The following PFKFB1 variants were observed in gnomAD, a reference collection of about 807,000 sequenced individuals.
PFKFB1 encodes 6-phosphofructo-2-kinase/fructose-2,6-biphosphatase 1, also known as 6-phosphofructo-2-kinase/fructose-2,6-bisphosphatase 1.
Under a neutral mutation model 46.4 loss-of-function variants are expected in PFKFB1, and 34 were observed. The ratio of observed to expected loss-of-function variants is 0.73; its 90% CI spans 0.56 to 0.98. PFKFB1 has a LOEUF of 0.98. PFKFB1 is among the 50% of genes least tolerant of loss of function. The pLI is 0.00. For synonymous variants in PFKFB1, 119 were observed against 133.8 expected, an observed-to-expected ratio of 0.89 and a Z score of 0.76; for missense variants, 393 against 376.3, an observed-to-expected ratio of 1.04 and a Z score of -0.37.
chrX:54,981,829 A>G (rs1019019386), intron 1 of PFKFB1, among the ~76,000 whole-genome samples: 6 of 111,542 alleles, frequency 5.4e-5, no homozygotes, highest in Admixed American at 2.9e-4. Flanking sequence ...CTGAAAATCA[A>G]TGACTTTTCT....
intron 1 of PFKFB1, among the ~76,000 whole-genome samples, chrX:54,984,033 T>A (rs1192243830): frequency 9.0e-6 from 1 of 111,479 alleles, no homozygotes; most frequent in Non-Finnish European, 1.9e-5. Flanking sequence ...CTTGTAAATT[T>A]GTTTAAGTTC....
At chrX:54,946,011 G>C (rs943237482) in intron 9 of PFKFB1, among the ~76,000 whole-genome samples, 23 of 110,447 alleles carry the variant, frequency 2.1e-4, no homozygotes, top group African/African-American at 7.3e-4. Context: ...TTGTGTGCTT[G>C]CGTGTGTGTG....
At chrX:54,986,932 A>C (rs1935127879) in intron 1 of PFKFB1, among the ~76,000 whole-genome samples, 1 of 111,201 alleles carries the variant, frequency 9.0e-6, no homozygotes, top group African/African-American at 3.3e-5. Flanking sequence ...AGAAGGATAT[A>C]ATAAGGATTA....
intron 9 of PFKFB1, among the ~76,000 whole-genome samples, chrX:54,947,787 A>G (rs746940420): frequency 9.0e-6 from 1 of 111,474 alleles, no homozygotes; most frequent in South Asian, 3.8e-4. Flanking sequence ...GAGAGGAAAC[A>G]GCTCCTTTCT....
chrX:54,951,340 G>A (rs2146616799), intron 8 of PFKFB1, among the ~76,000 whole-genome samples: 1 of 112,367 alleles, frequency 8.9e-6, no homozygotes, highest in Admixed American at 9.4e-5. Context: ...GAGAGGATGG[G>A]GAGGGCTTCC....
chrX:54,973,177 G>A (rs750021852), intron 1 of PFKFB1, among the ~76,000 whole-genome samples: 2 of 111,197 alleles, frequency 1.8e-5, no homozygotes, highest in African/African-American at 3.3e-5. Context: ...CTGTGGGATC[G>A]GTGGTGATAT....
At chrX:54,949,289 T>A (rs964609761) in intron 8 of PFKFB1, 68 bp from the exon 9 acceptor site, 4 of 948,330 alleles carry the variant, frequency 4.2e-6, no homozygotes, top group African/African-American at 3.8e-5. Flanking sequence ...AGGGTGGCCA[T>A]CAGAACAAGC....
upstream of PFKFB1, among the ~76,000 whole-genome samples, chrX:54,995,355 G>A (rs141299872): frequency 2.4e-3 from 274 of 111,994 alleles, no homozygotes; most frequent in Middle Eastern, 9.3e-3. Flanking sequence ...GCCCTCAAAT[G>A]CTCTCAGTTC....
intron 6 of PFKFB1, among the ~76,000 whole-genome samples, 165 bp downstream of exon 6, chrX:54,958,141 A>G (rs1934210362): frequency 1.8e-5 from 2 of 111,791 alleles, no homozygotes; most frequent in Non-Finnish European, 1.9e-5. Context: ...GAGTCATTGT[A>G]AGCCAGGATG....
intron 10 of PFKFB1, among the ~76,000 whole-genome samples, chrX:54,944,068 G>C (rs1402591797): frequency 1.8e-5 from 2 of 111,374 alleles, no homozygotes; most frequent in Non-Finnish European, 3.8e-5. Context: ...ATTGATTTTA[G>C]ATTTTGTTAA....
chrX:54,941,392 G>A (rs895557068), intron 10 of PFKFB1, among the ~76,000 whole-genome samples: 1 of 111,740 alleles, frequency 8.9e-6, no homozygotes, highest in African/African-American at 3.3e-5. Context: ...CAGACAAATG[G>A]GATCTAATTA....
At chrX:54,990,006 G>C (rs5960384) in intron 1 of PFKFB1, among the ~76,000 whole-genome samples, 76 of 111,351 alleles carry the variant, frequency 6.8e-4, no homozygotes, top group African/African-American at 2.4e-3. Flanking sequence ...ATACGATTGT[G>C]AATCTGTGGA....
At chrX:54,937,855 C>A in intron 10 of PFKFB1, 131 bp from the exon 11 acceptor site, 1 of 507,734 alleles carries the variant, frequency 2.0e-6, no homozygotes, top group Non-Finnish European at 3.2e-6. Flanking sequence ...ACCAGTATGA[C>A]CTTAGGCAAC....
intron 9 of PFKFB1, among the ~76,000 whole-genome samples, chrX:54,948,300 C>T (rs1438872621): frequency 8.9e-6 from 1 of 111,981 alleles, no homozygotes; most frequent in African/African-American, 3.2e-5. Flanking sequence ...AACATGCCCC[C>T]ACCTCTTGCC....
intron 1 of PFKFB1, among the ~76,000 whole-genome samples, chrX:54,976,166 A>AT (rs1353775285): frequency 2.7e-5 from 3 of 111,647 alleles, no homozygotes; most frequent in Admixed American, 9.5e-5. Context: ...ACATATTAAC[A>AT]TTTTTTTATC....
At chrX:54,957,893 G>A (rs1010924185) in intron 6 of PFKFB1, among the ~76,000 whole-genome samples, 1 of 111,012 alleles carries the variant, frequency 9.0e-6, no homozygotes, top group African/African-American at 3.3e-5. Flanking sequence ...TGAATTTTGG[G>A]GCAGAATAAA....
intron 10 of PFKFB1, among the ~76,000 whole-genome samples, chrX:54,942,224 C>G (rs1933663990): frequency 9.1e-6 from 1 of 110,403 alleles, no homozygotes; most frequent in African/African-American, 3.3e-5. Flanking sequence ...AGGGGAACAT[C>G]ACACCCCGGG....
rs927708196 is a variant in PFKFB1 at position 54,946,537 on chromosome X, A to C, written c.994-994T>G. Among the ~76,000 whole-genome samples, 5 of 111,768 alleles carry C rather than the reference A, an allele frequency of 4.5e-5. No individual in the cohort carries two copies. The Admixed American group carries it at 4.7e-4, about 11-fold the overall frequency. On this transcript the variant is annotated intron_variant, in intron 9 of 13. Coordinates refer to ENST00000375006, the MANE Select transcript of PFKFB1 (RefSeq NM_002625.4). ...ACCATGCCCCCATCAGGGGTGAGGA[A>C]GTGAACCCCTACCCCAACCCACAAA...
At chrX:54,966,796 G>A (rs1205866722) in intron 1 of PFKFB1, among the ~76,000 whole-genome samples, 1 of 111,637 alleles carries the variant, frequency 9.0e-6, no homozygotes, top group Non-Finnish European at 1.9e-5. Flanking sequence ...CATGACAGTG[G>A]GTAGTTTTTG....
Sources: gnomAD v4.1 joint callset for allele counts (sites outside exome capture counted in the v4.1 genomes callset) on GRCh38, gnomAD v4.1.1 for gene constraint, MANE v1.5 for transcripts, NCBI Gene and HGNC (gene_info 2026-07-23, HGNC 2026-07-21) for gene names.